The following NKAIN2 variants were observed in gnomAD, a reference collection of about 807,000 sequenced individuals.
NKAIN2 encodes sodium/potassium-transporting ATPase subunit beta-1-interacting protein 2.
A neutral mutation model predicts 32.6 loss-of-function variants in NKAIN2; 14 were observed. That is an observed-to-expected ratio of 0.43 (90% CI 0.28 to 0.67). The LOEUF (loss-of-function observed/expected upper bound fraction) is 0.67, where lower values mean the gene tolerates loss of function less well. Among genes scored for constraint, NKAIN2 ranks in the 30% least tolerant of loss-of-function variants. NKAIN2 has a pLI of 0.17. For missense variants in NKAIN2, 198 were observed against 258.3 expected, an observed-to-expected ratio of 0.77 and a Z score of 1.60; for synonymous variants, 80 against 87.2, an observed-to-expected ratio of 0.92 and a Z score of 0.46.
intron 1 of NKAIN2, among the ~76,000 whole-genome samples, chr6:123,988,748 T>G (rs557862323): frequency 6.6e-5 from 10 of 152,222 alleles, no homozygotes; most frequent in Non-Finnish European, 8.8e-5. Flanking sequence ...TTGCTAATAA[T>G]ACAGTGTCTT....
chr6:124,079,150 C>T (rs954634902), intron 1 of NKAIN2, among the ~76,000 whole-genome samples: 2 of 151,682 alleles, frequency 1.3e-5, no homozygotes, highest in African/African-American at 2.4e-5. Context: ...GGTGAAACCC[C>T]GTCTCTACTA....
Position 124,824,006 on chromosome 6 carries a change from A to G in NKAIN2, c.*777A>G, listed in dbSNP as rs1781496725. 6.6e-6 allele frequency: 1 copy of G among 152,232 alleles called. No individual in the cohort carries two copies. Among genetic ancestry groups the G allele is most frequent in the Non-Finnish European group, 1.5e-5 (1 of 68,048 alleles). The allele number at this position is 152,232 out of a possible 1,614,324, so 9.4% of individuals were successfully genotyped here. A position where few individuals can be genotyped will look rare whatever the true frequency, so the allele number is the denominator to read the frequency against. The stretch of plus-strand genomic sequence containing the variant: ...TACCATAGAGCCTCCATGGTGGCCC[A>G]AAAGAGACAAGTAACAATAACAATA... On this transcript the variant is annotated 3_prime_UTR_variant, in exon 7 of 7. Coordinates refer to ENST00000368417, the MANE Select transcript of NKAIN2 (RefSeq NM_001040214.3).
chr6:124,372,165 T>C (rs1799798610), intron 3 of NKAIN2, among the ~76,000 whole-genome samples: 1 of 152,164 alleles, frequency 6.6e-6, no homozygotes, highest in Non-Finnish European at 1.5e-5. Flanking sequence ...TACATGTTTA[T>C]ACAAAGTATT....
intron 1 of NKAIN2, among the ~76,000 whole-genome samples, chr6:124,097,182 G>A (rs1429307557): frequency 6.6e-6 from 1 of 151,984 alleles, no homozygotes; most frequent in Non-Finnish European, 1.5e-5. Flanking sequence ...GGCTGAGGCG[G>A]GCAGATCACG....
intron 1 of NKAIN2, among the ~76,000 whole-genome samples, chr6:123,955,982 T>A (rs569493874): frequency 1.1e-4 from 17 of 152,252 alleles, no homozygotes; most frequent in Non-Finnish European, 1.8e-4. Context: ...TTTATGTAAT[T>A]ACGTGTAAAA....
chr6:124,643,380 C>T (rs1415910567), intron 3 of NKAIN2, among the ~76,000 whole-genome samples: 1 of 152,030 alleles, frequency 6.6e-6, no homozygotes, highest in Non-Finnish European at 1.5e-5. Context: ...TGTCTTTTTT[C>T]CCCTGGCTGT....
intron 3 of NKAIN2, among the ~76,000 whole-genome samples, chr6:124,545,107 A>G (rs150292314): frequency 6.6e-5 from 10 of 152,284 alleles, no homozygotes; most frequent in African/African-American, 2.4e-4. Flanking sequence ...TTCAAATTTT[A>G]CCTCAACTGA....
At chr6:123,915,666 A>C (rs1775454761) in intron 1 of NKAIN2, among the ~76,000 whole-genome samples, 1 of 152,182 alleles carries the variant, frequency 6.6e-6, no homozygotes, top group African/African-American at 2.4e-5. Context: ...TGATTGGGAA[A>C]TACTTCAAAT....
At chr6:124,477,537 C>G (rs1159936820) in intron 3 of NKAIN2, among the ~76,000 whole-genome samples, 1 of 152,116 alleles carries the variant, frequency 6.6e-6, no homozygotes, top group Non-Finnish European at 1.5e-5. Flanking sequence ...TTTGGTGCTT[C>G]TCCAGTGGTG....
intron 4 of NKAIN2, among the ~76,000 whole-genome samples, chr6:124,780,644 T>C (rs539369269): frequency 6.6e-6 from 1 of 152,310 alleles, no homozygotes; most frequent in Non-Finnish European, 1.5e-5. Flanking sequence ...CACTTTGCTA[T>C]CATGTCTTTA....
At chr6:124,148,765 A>G (rs968707031) in intron 1 of NKAIN2, among the ~76,000 whole-genome samples, 1 of 152,058 alleles carries the variant, frequency 6.6e-6, no homozygotes, top group Non-Finnish European at 1.5e-5. Context: ...ATCATGAATA[A>G]TTTTTCTAGG....
chr6:124,095,962 A>G (rs993891225), intron 1 of NKAIN2, among the ~76,000 whole-genome samples: 3 of 152,182 alleles, frequency 2.0e-5, no homozygotes, highest in Non-Finnish European at 2.9e-5. Flanking sequence ...TCTTTGTTGT[A>G]ATGTCTTATT....
At chr6:124,490,923 G>A (rs1019931383) in intron 3 of NKAIN2, among the ~76,000 whole-genome samples, 2 of 151,848 alleles carry the variant, frequency 1.3e-5, no homozygotes, top group Non-Finnish European at 2.9e-5. Context: ...ACTCTAGGCA[G>A]AATAATATTT....
intron 2 of NKAIN2, among the ~76,000 whole-genome samples, chr6:124,283,817 T>TG (rs1402526583): frequency 6.6e-6 from 1 of 152,208 alleles, no homozygotes; most frequent in Non-Finnish European, 1.5e-5. Context: ...TACATTTTTT[T>TG]CTTTTTAGTT....
chr6:124,303,516 T>G (rs1287213484), intron 2 of NKAIN2, among the ~76,000 whole-genome samples: 1 of 152,242 alleles, frequency 6.6e-6, no homozygotes, highest in East Asian at 1.9e-4. Flanking sequence ...GGCCGTAATT[T>G]GTGCAATAAC....
At chr6:124,277,991 A>C (rs1234757134) in intron 1 of NKAIN2, among the ~76,000 whole-genome samples, 6 of 150,060 alleles carry the variant, frequency 4.0e-5, no homozygotes, top group African/African-American at 1.5e-4. Context: ...TTAAGTTTTA[A>C]GGACATAAAA....
chr6:124,559,828 T>C (rs374540500), intron 3 of NKAIN2, among the ~76,000 whole-genome samples: 3 of 104,790 alleles, frequency 2.9e-5, no homozygotes, highest in African/African-American at 1.1e-4. Flanking sequence ...GAGTAAGAAA[T>C]AAACCATTTT....
chr6:124,228,142 C>T (rs758791083), intron 1 of NKAIN2, among the ~76,000 whole-genome samples: 1 of 152,140 alleles, frequency 6.6e-6, no homozygotes, highest in Non-Finnish European at 1.5e-5. Context: ...CTGTTATGGA[C>T]TGAATGTTTT....
chr6:124,397,188 T>A (rs1289605116), intron 3 of NKAIN2, among the ~76,000 whole-genome samples: 2 of 152,008 alleles, frequency 1.3e-5, no homozygotes, highest in Non-Finnish European at 2.9e-5. Flanking sequence ...TTAACATTTA[T>A]AGTGTAGTGT....
Sources: allele counts gnomAD v4.1 joint callset (sites outside exome capture counted in the v4.1 genomes callset), GRCh38; gene constraint gnomAD v4.1.1; transcripts MANE v1.5; gene names NCBI Gene and HGNC (gene_info 2026-07-23, HGNC 2026-07-21).